Variants in MAPKAPK5 observed in about 807,000 individuals in gnomAD.
MAPKAPK5 encodes the protein MAPK activated protein kinase 5.
Under a neutral mutation model 65.1 loss-of-function variants are expected in MAPKAPK5, and 30 were observed. The observed-to-expected ratio is 0.46, with a 90% CI of 0.34 to 0.63. MAPKAPK5 has a LOEUF of 0.63. Among genes scored for constraint, MAPKAPK5 ranks in the 20% least tolerant of loss-of-function variants. MAPKAPK5 has a pLI of 0.01. For synonymous variants in MAPKAPK5, 179 were observed against 204.6 expected, an observed-to-expected ratio of 0.87 and a Z score of 1.07; for missense variants, 433 against 581.4, an observed-to-expected ratio of 0.74 and a Z score of 2.63.
chr12:111,888,835 T>C (rs2136153767), intron 11 of MAPKAPK5, 50 bp from the exon 12 acceptor site: 1 of 1,603,354 alleles, frequency 6.2e-7, no homozygotes, highest in East Asian at 2.2e-5. Context: ...TGTCCAGAGT[T>C]GGTTTTTGGG....
Position 111,900,952 on chromosome 12 carries a change from G to A in MAPKAPK5, c.*7891G>A, listed in dbSNP as rs2071028879. ...TGTTACAATTCAATGAACAGCAAAG[G>A]GGACCAATTTGGAAACTGTGGCATT... On this transcript the variant is annotated 3_prime_UTR_variant, in exon 14 of 14. Transcript: ENST00000550735. The A allele has an allele frequency of 2.2e-6, 1 of 455,912 alleles. No homozygotes were observed. Among genetic ancestry groups the A allele is most frequent in the Non-Finnish European group, 4.4e-6 (1 of 226,798 alleles). 28.2% of individuals were successfully genotyped at this position (455,912 alleles called of 1,614,324 possible).
chr12:111,886,547 C>T (rs2070408040), intron 10 of MAPKAPK5, among the ~76,000 whole-genome samples: 1 of 152,268 alleles, frequency 6.6e-6, no homozygotes, highest in Non-Finnish European at 1.5e-5. Flanking sequence ...AGTTCTTTCT[C>T]ATGTTCGGAC....
In MAPKAPK5 at chr12:111,901,095, C is replaced by G. The variant is rs530648444; in HGVS notation, c.*8034C>G. The G allele has an allele frequency of 4.4e-6, 2 of 456,088 alleles. No homozygotes were observed. The highest frequency in any genetic ancestry group is 2.3e-5 in the Admixed American group (1 of 42,582). 28.3% of individuals were successfully genotyped at this position (456,088 alleles called of 1,614,324 possible). A position where few individuals can be genotyped will look rare whatever the true frequency, so the allele number is the denominator to read the frequency against. The stretch of plus-strand genomic sequence containing the variant: ...AATCAATCTCCAACATACAATGATT[C>G]AGGTCCCTCAGGGAGATGGCTCATG... On this transcript the variant is annotated 3_prime_UTR_variant, in exon 14 of 14. Transcript: ENST00000550735.
rs1035973676 is a variant in MAPKAPK5 at position 111,842,423 on chromosome 12, G to A, written c.-311G>A. ...GGCGCCCCGGGTCGAGGCCCTCCCCGCCTCGCCCTACCCCAGGAGCCTGCC... is the reference window on the plus strand; with the variant it reads ...GGCGCCCCGGGTCGAGGCCCTCCCCACCTCGCCCTACCCCAGGAGCCTGCC... On this transcript the variant is annotated 5_prime_UTR_variant, in exon 1 of 14. Coordinates refer to ENST00000550735, the MANE Select transcript of MAPKAPK5 (RefSeq NM_003668.4). 1 of 241,022 alleles carries A rather than the reference G, an allele frequency of 4.1e-6. No homozygotes were observed. The highest frequency in any genetic ancestry group is 8.0e-6 in the Non-Finnish European group (1 of 125,004). 14.9% of individuals were successfully genotyped at this position (241,022 alleles called of 1,614,324 possible).
In MAPKAPK5 at chr12:111,860,858, C is replaced by G. The variant is rs187386596; in HGVS notation, c.37-4392C>G. Among the ~76,000 whole-genome samples, 41 of 151,652 alleles carry G rather than the reference C, an allele frequency of 2.7e-4. 1 individual carries two copies. Among genetic ancestry groups the G allele is most frequent in the Admixed American group, 2.6e-3 (39 of 15,266 alleles). On this transcript the variant is annotated intron_variant, in intron 1 of 13. Coordinates refer to ENST00000550735, the MANE Select transcript of MAPKAPK5 (RefSeq NM_003668.4). Reference sequence around the variant, plus strand: ...TGCTGTGAATACAAGAATTTCTATGCCTGTAATCCCAGCACAGGCATGGAA... The same window carrying G: ...TGCTGTGAATACAAGAATTTCTATGGCTGTAATCCCAGCACAGGCATGGAA...
intron 7 of MAPKAPK5, chr12:111,879,964 A>AC (rs2070136365): frequency 5.3e-6 from 1 of 189,432 alleles, no homozygotes. Context: ...TAATGTTGTG[A>AC]CCCCCTCTGG....
At chr12:111,848,939 T>A (rs2136067059) in intron 1 of MAPKAPK5, among the ~76,000 whole-genome samples, 1 of 152,052 alleles carries the variant, frequency 6.6e-6, no homozygotes, top group South Asian at 2.1e-4. Flanking sequence ...ATTTTTTGTA[T>A]TTTTAGTAGA....
intron 1 of MAPKAPK5, among the ~76,000 whole-genome samples, chr12:111,855,714 C>A (rs1377051745): frequency 6.6e-6 from 1 of 151,834 alleles, no homozygotes; most frequent in Non-Finnish European, 1.5e-5. Context: ...GTAGTCCCAG[C>A]TACTTGGGAA....
In MAPKAPK5 at chr12:111,889,101, T is replaced by C. The variant is rs969531106; in HGVS notation, c.1216+101T>C. 10 of 1,323,742 alleles carry C rather than the reference T, an allele frequency of 7.6e-6. No individual in the cohort carries two copies. The African/African-American group carries it at 1.3e-4, about 18-fold the overall frequency. 82.0% of individuals were successfully genotyped at this position (1,323,742 alleles called of 1,614,324 possible). On this transcript the variant is annotated intron_variant, in intron 12 of 13. Coordinates refer to ENST00000550735, the MANE Select transcript of MAPKAPK5 (RefSeq NM_003668.4). ...GCACATGGCAAAAGGAATGGTTTAA[T>C]TTTGGGTTGTCTGTTTCATCTTGTG... is the stretch of plus-strand genomic sequence containing the variant.
At chr12:111,867,470 A>G (rs1274668239) in intron 3 of MAPKAPK5, 102 bp from the exon 4 acceptor site, 2 of 748,708 alleles carry the variant, frequency 2.7e-6, no homozygotes, top group Non-Finnish European at 4.5e-6. Context: ...TCTAAGTGAT[A>G]AAGTTTTTAT....
intron 1 of MAPKAPK5, among the ~76,000 whole-genome samples, chr12:111,861,294 T>A (rs1566238716): frequency 6.6e-6 from 1 of 151,900 alleles, no homozygotes; most frequent in Non-Finnish European, 1.5e-5. Context: ...TAGAATCCCC[T>A]TTGTGTCAGG....
intron 7 of MAPKAPK5, among the ~76,000 whole-genome samples, chr12:111,876,605 G>A (rs1265401521): frequency 1.3e-5 from 2 of 152,034 alleles, no homozygotes; most frequent in Non-Finnish European, 2.9e-5. Context: ...TAAAAATTAG[G>A]AAATTTTTCA....
At chr12:111,878,743 C>A (rs1344075592) in intron 7 of MAPKAPK5, among the ~76,000 whole-genome samples, 1 of 152,046 alleles carries the variant, frequency 6.6e-6, no homozygotes. Context: ...TTAAGCCCCA[C>A]CCTCAGAAGC....
At position 111,874,861 on chromosome 12, in the gene MAPKAPK5, G is replaced by A. The variant is rs200597420; in HGVS notation, c.579+3681G>A. ...GCAATCTCGGCTCACTGCAATCTCC[G>A]CCTCCCAGGTTCAAGCGATTCTCCT... On this transcript the variant is annotated intron_variant, in intron 7 of 13. Coordinates refer to ENST00000550735, the MANE Select transcript of MAPKAPK5 (RefSeq NM_003668.4). Among the ~76,000 whole-genome samples the A allele has an allele frequency of 2.1e-5, 3 of 144,896 alleles. No homozygotes were observed. In the Admixed American group the frequency reaches 2.2e-4, roughly 10 times the overall value.
chr12:111,852,867 A>G (rs868293844), intron 1 of MAPKAPK5, among the ~76,000 whole-genome samples: 25 of 152,146 alleles, frequency 1.6e-4, no homozygotes, highest in Middle Eastern at 6.8e-3. Context: ...TCTGCCTCCC[A>G]GGTTCAAGCA....
Position 111,888,978 on chromosome 12 carries a change from T to A in MAPKAPK5, c.1194T>A (p.Ala398=). The change falls in exon 12 of 14, where the codon GCT becomes GCA. Residue 398 remains alanine (A), a synonymous_variant. Transcript: ENST00000550735. ...TGGAAAAACTCCGAGATGTGATTGC[T>A]CAGTGTATTCTCCCCCAGGCTGGTA... The part of the protein sequence containing the change: ...VALEKLRDVI[A]QCILPQAGEN... The A allele has an allele frequency of 1.9e-6, 3 of 1,593,938 alleles. 1 individual carries two copies. In the South Asian group the frequency reaches 3.4e-5, roughly 18 times the overall value.
intron 13 of MAPKAPK5, among the ~76,000 whole-genome samples, chr12:111,891,857 T>G (rs1391596813): frequency 6.6e-6 from 1 of 151,416 alleles, no homozygotes; most frequent in Non-Finnish European, 1.5e-5. Flanking sequence ...TTTAGAAAAG[T>G]GATCACATAT....
At chr12:111,890,909 C>T (rs111744959) in intron 13 of MAPKAPK5, among the ~76,000 whole-genome samples, 4 of 151,720 alleles carry the variant, frequency 2.6e-5, no homozygotes, top group African/African-American at 7.3e-5. Context: ...CCACCTGCCT[C>T]AGCCTCCCAA....
intron 7 of MAPKAPK5, among the ~76,000 whole-genome samples, chr12:111,875,016 A>C (rs2050105927): frequency 6.6e-6 from 1 of 151,828 alleles, no homozygotes; most frequent in Non-Finnish European, 1.5e-5. Context: ...TGACCTCATG[A>C]TCTGCCTACC....
Sources: allele counts gnomAD v4.1 joint callset (sites outside exome capture counted in the v4.1 genomes callset), GRCh38; gene constraint gnomAD v4.1.1; transcripts MANE v1.5; gene names NCBI Gene and HGNC (gene_info 2026-07-23, HGNC 2026-07-21).